The following ANK2 variants were observed in gnomAD, a reference collection of about 807,000 sequenced individuals.
ANK2 encodes the protein ankyrin 2, also known as ankyrin-2.
Under a neutral mutation model 360.5 loss-of-function variants are expected in ANK2, and 83 were observed. The observed-to-expected ratio is 0.23, with a 90% CI of 0.19 to 0.28. The LOEUF (loss-of-function observed/expected upper bound fraction) is 0.28, where lower values mean the gene tolerates loss of function less well. Among genes scored for constraint, ANK2 ranks in the 10% least tolerant of loss-of-function variants. ANK2 has a pLI of 1.00. For missense variants in ANK2, 4,201 were observed against 4,795.7 expected, an observed-to-expected ratio of 0.88 and a Z score of 3.66; for synonymous variants, 1,740 against 1,759.5, an observed-to-expected ratio of 0.99 and a Z score of 0.28.
chr4:113,284,554 T>C (rs961237155), intron 18 of ANK2, among the ~76,000 whole-genome samples: 17 of 152,330 alleles, frequency 1.1e-4, no homozygotes, highest in Non-Finnish European at 2.4e-4. Flanking sequence ...AATACATTAC[T>C]TTCTTTGACA....
At chr4:112,884,507 T>C (rs573095098) in intron 1 of ANK2, among the ~76,000 whole-genome samples, 49 of 152,322 alleles carry the variant, frequency 3.2e-4, no homozygotes, top group Admixed American at 5.9e-4. Context: ...TTAGTTTTTT[T>C]TTCAGACATT....
In ANK2 at chr4:112,859,137, C is replaced by T. The variant is rs563694984; in HGVS notation, c.-40+40873C>T. Among the ~76,000 whole-genome samples the T allele has an allele frequency of 1.8e-3, 272 of 152,294 alleles. 1 individual carries two copies. The highest frequency in any genetic ancestry group is 2.5e-3 in the Admixed American group (38 of 15,302). ...AAGGTTACATCAAAAGGAGATTAAA[C>T]TGCCCTTAGGGTGTAGATTAAAACC... On this transcript the variant is annotated intron_variant, in intron 1 of 30. Coordinates refer to the ANK2 transcript ENST00000503271.
intron 2 of ANK2, among the ~76,000 whole-genome samples, chr4:113,175,370 A>G (rs2098152644): frequency 6.6e-6 from 1 of 152,186 alleles, no homozygotes; most frequent in Non-Finnish European, 1.5e-5. Context: ...CTTTTCAGAA[A>G]CTGAGCCCGG....
chr4:113,189,749 G>A (rs182344772), intron 2 of ANK2, among the ~76,000 whole-genome samples: 24 of 152,124 alleles, frequency 1.6e-4, no homozygotes, highest in African/African-American at 4.6e-4. Context: ...CGATGTCACC[G>A]TTGGTGCCTG....
At position 113,358,073 on chromosome 4, in the gene ANK2, C is replaced by T. The variant is rs766143754; in HGVS notation, c.9455C>T (p.Thr3152Ile). 1.9e-6 allele frequency: 3 copies of T among 1,613,966 alleles called. No individual in the cohort carries two copies. Among genetic ancestry groups the T allele is most frequent in the African/African-American group, 1.3e-5 (1 of 74,926 alleles). Residue 3152 changes from threonine (T) to isoleucine (I), a missense_variant, in exon 38 of 46, where the codon ACT (threonine) becomes ATT (isoleucine). By Grantham distance (89) the Thr-to-Ile change is moderately conservative. Coordinates refer to ENST00000357077, the MANE Select transcript of ANK2 (RefSeq NM_001148.6). Reference protein sequence around the residue: ...TLSEDVKEGATGADPLPLETS... With the variant: ...TLSEDVKEGAIGADPLPLETS... ...TCTGAAGATGTGAAAGAAGGGGCTA[C>T]TGGGGCTGATCCCCTACCGCTGGAG... is the stretch of plus-strand genomic sequence containing the variant.
At chr4:112,962,904 A>G (rs560334428) in intron 2 of ANK2, among the ~76,000 whole-genome samples, 2 of 152,302 alleles carry the variant, frequency 1.3e-5, no homozygotes, top group African/African-American at 4.8e-5. Context: ...GGGAATCTCC[A>G]GTAGATTCCT....
intron 1 of ANK2, among the ~76,000 whole-genome samples, chr4:113,055,865 G>C (rs547872338): frequency 2.0e-5 from 3 of 152,218 alleles, no homozygotes; most frequent in African/African-American, 7.2e-5. Context: ...AAGATTCTGT[G>C]GTTATCTTCT....
chr4:112,734,570 C>T, the ANK2 span, among the ~76,000 whole-genome samples: 1 of 152,074 alleles, frequency 6.6e-6, no homozygotes, highest in Non-Finnish European at 1.5e-5. Context: ...GCTGGAATCC[C>T]CATGTTGGTG....
chr4:113,043,725 A>T (rs1026192665), intron 2 of ANK2, among the ~76,000 whole-genome samples: 1 of 152,212 alleles, frequency 6.6e-6, no homozygotes, highest in Non-Finnish European at 1.5e-5. Context: ...GTTTGTTTGT[A>T]AGACAGGCAG....
upstream of ANK2, among the ~76,000 whole-genome samples, chr4:112,814,659 G>T (rs2055516795): frequency 6.6e-6 from 1 of 152,064 alleles, no homozygotes; most frequent in African/African-American, 2.4e-5. Flanking sequence ...TGTTGCTCAG[G>T]CTGAGAGAGT....
At chr4:112,835,509 T>G (rs1230170391) in intron 1 of ANK2, among the ~76,000 whole-genome samples, 1 of 152,200 alleles carries the variant, frequency 6.6e-6, no homozygotes. Flanking sequence ...TTTTTCACTC[T>G]GTGTGTATGA....
intron 34 of ANK2, among the ~76,000 whole-genome samples, chr4:113,344,234 G>A (rs1243405233): frequency 1.3e-5 from 2 of 152,164 alleles, no homozygotes. Context: ...AATGAGGGAA[G>A]TGCTTCAGTA....
rs4834328 is a variant in ANK2, at chr4:113,350,449, A to G, written c.4426+200A>G. Reference sequence around the variant, plus strand: ...ATACCTAATTTGCGAGCTAATTAGCAGTAAAATGCAATGATTATTCATCTA... The same window carrying G: ...ATACCTAATTTGCGAGCTAATTAGCGGTAAAATGCAATGATTATTCATCTA... On this transcript the variant is annotated intron_variant, in intron 37 of 45. Coordinates refer to ENST00000357077, the MANE Select transcript of ANK2 (RefSeq NM_001148.6). 46,371 of 493,774 alleles carry G rather than the reference A, an allele frequency of 0.094. 2,585 individuals carry two copies. The highest frequency in any genetic ancestry group is 0.14 in the Middle Eastern group (261 of 1,820). 30.6% of individuals were successfully genotyped at this position (493,774 alleles called of 1,614,324 possible).
At chr4:112,935,548 GA>G (rs538763171) in intron 2 of ANK2, among the ~76,000 whole-genome samples, 21 of 152,122 alleles carry the variant, frequency 1.4e-4, no homozygotes, top group Non-Finnish European at 2.5e-4. Context: ...TCCCCTTTGA[GA>G]GTCTTGCACA....
At chr4:113,377,473 CA>C (rs889976540) in intron 45 of ANK2, among the ~76,000 whole-genome samples, 5 of 152,072 alleles carry the variant, frequency 3.3e-5, no homozygotes, top group Non-Finnish European at 7.4e-5. Flanking sequence ...CCAAAAGGGA[CA>C]AAAAAATCTA....
intron 2 of ANK2, among the ~76,000 whole-genome samples, chr4:113,009,027 C>T (rs1455694067): frequency 6.6e-6 from 1 of 152,210 alleles, no homozygotes; most frequent in Non-Finnish European, 1.5e-5. Flanking sequence ...TACAGTACAA[C>T]ACACCTATCC....
In ANK2 at chr4:113,305,327, G is replaced by A. The variant is rs1438181038; in HGVS notation, c.2548+2488G>A. 3.6e-4 allele frequency among the ~76,000 whole-genome samples: 36 copies of A among 100,482 alleles called. No individual in the cohort carries two copies. The South Asian group carries it at 0.013, about 36-fold the overall frequency. 65.9% of individuals were successfully genotyped at this position (100,482 alleles called of 152,430 possible). On this transcript the variant is annotated intron_variant, in intron 23 of 45. Coordinates refer to ENST00000357077, the MANE Select transcript of ANK2 (RefSeq NM_001148.6). ...TGCACTCCAGCCTGGGCGACAGAGC[G>A]AGACTCCGTCTCAAAAAAAAAAAAA...
At chr4:112,798,106 A>G in the ANK2 span, 1 of 154,692 alleles carries the variant, frequency 6.5e-6, no homozygotes, top group Non-Finnish European at 1.5e-5. Context: ...TGGTCCCTGG[A>G]ATATTTATAG....
chr4:112,861,942 G>A (rs1274647139), intron 1 of ANK2, among the ~76,000 whole-genome samples: 5 of 151,600 alleles, frequency 3.3e-5, no homozygotes, highest in African/African-American at 1.2e-4. Context: ...TTATTCTTTA[G>A]GAGCATCAAA....
Sources: gnomAD v4.1 joint callset for allele counts (sites outside exome capture counted in the v4.1 genomes callset) on GRCh38, gnomAD v4.1.1 for gene constraint, MANE v1.5 for transcripts, NCBI Gene and HGNC (gene_info 2026-07-23, HGNC 2026-07-21) for gene names.